Variants in FOXP1 observed in about 807,000 individuals in gnomAD.
FOXP1 encodes the protein forkhead box P1, also known as forkhead box protein P1.
A neutral mutation model predicts 98.2 loss-of-function variants in FOXP1; 15 were observed. The ratio of observed to expected loss-of-function variants is 0.15; its 90% CI spans 0.10 to 0.24. The LOEUF is 0.24. Ranked by LOEUF, FOXP1 falls within the 10% of genes least tolerant of loss-of-function variation. The pLI, the probability that FOXP1 is intolerant of heterozygous loss-of-function variation, is 1.00. For synonymous variants in FOXP1, 371 were observed against 314.5 expected (o/e 1.18, Z -1.90); for missense variants, 633 against 848.5 (o/e 0.75, Z 3.15).
chr3:71,509,751 A>G (rs530286408), intron 2 of FOXP1, among the ~76,000 whole-genome samples: 17 of 152,258 alleles, frequency 1.1e-4, no homozygotes, highest in South Asian at 1.0e-3. Context: ...GCTCAGTGAC[A>G]TGCACCTGAT....
chr3:71,345,397 T>TATACACACAC (rs1209148446), intron 4 of FOXP1, among the ~76,000 whole-genome samples: 1 of 141,748 alleles, frequency 7.1e-6, no homozygotes, highest in Non-Finnish European at 1.5e-5. Flanking sequence ...CAAATATATA[T>TATACACACAC]ACACACACAC....
Position 70,956,111 on chromosome 3 carries a change from A to C in FOXP1, c.*3136T>G, listed in dbSNP as rs1225020606. 2 of 233,104 alleles carry C rather than the reference A, an allele frequency of 8.6e-6. No homozygotes were observed. The highest frequency in any genetic ancestry group is 1.7e-5 in the Non-Finnish European group (2 of 118,036). 14.4% of individuals were successfully genotyped at this position (233,104 alleles called of 1,614,324 possible). A position where few individuals can be genotyped will look rare whatever the true frequency, so the allele number is the denominator to read the frequency against. On this transcript the variant is annotated 3_prime_UTR_variant, in exon 21 of 21. Coordinates refer to ENST00000649528, the MANE Select transcript of FOXP1 (RefSeq NM_001349338.3). ...CGTTAATATAAAGCAGTTGCACAAA[A>C]AGCAAAGGTGTTTTGACAAACAGGT...
chr3:71,238,741 G>A (rs1355052834), intron 5 of FOXP1, among the ~76,000 whole-genome samples: 5 of 152,138 alleles, frequency 3.3e-5, no homozygotes, highest in Non-Finnish European at 7.4e-5. Flanking sequence ...ATAAATAATC[G>A]GGGCTGAGGT....
chr3:71,237,438 A>C (rs1044868), intron 5 of FOXP1, among the ~76,000 whole-genome samples: 25,407 of 151,952 alleles, frequency 0.17, 2,408 homozygotes, highest in East Asian at 0.45. Flanking sequence ...CCACGCTTCC[A>C]GGGCTCAAGA....
intron 13 of FOXP1, among the ~76,000 whole-genome samples, chr3:70,998,235 A>C (rs1289700993): frequency 6.6e-6 from 1 of 152,164 alleles, no homozygotes; most frequent in Non-Finnish European, 1.5e-5. Context: ...TGACTCTCCT[A>C]CTGTAGTGCA....
At chr3:71,495,348 C>A (rs2091331634) in intron 2 of FOXP1, among the ~76,000 whole-genome samples, 1 of 152,218 alleles carries the variant, frequency 6.6e-6, no homozygotes, top group Non-Finnish European at 1.5e-5. Flanking sequence ...AGCTTTCGCC[C>A]TGATCTATTT....
At chr3:70,960,377 G>A (rs2033074687) in intron 20 of FOXP1, among the ~76,000 whole-genome samples, 1 of 152,172 alleles carries the variant, frequency 6.6e-6, no homozygotes, top group South Asian at 2.1e-4. Flanking sequence ...TGGTTGCGAT[G>A]AGGTCTGCCA....
Position 71,121,455 on chromosome 3 carries a change from TG to T in FOXP1, c.181-8819del, listed in dbSNP as rs1559972642. ...AATGACTACAAACAGTCAGGAAGTC[TG>T]CTTTAAGTCTTTGGGAAGAGCTAAA... On this transcript the variant is annotated intron_variant, in intron 6 of 20. Transcript: ENST00000649528. 4.0e-5 allele frequency among the ~76,000 whole-genome samples: 6 copies of T among 151,560 alleles called. No individual in the cohort carries two copies. The South Asian group carries it at 1.3e-3, about 32-fold the overall frequency.
At chr3:71,565,267 G>A (rs113326499) in intron 2 of FOXP1, among the ~76,000 whole-genome samples, 6,172 of 152,124 alleles carry the variant, frequency 0.041, 157 homozygotes, top group Non-Finnish European at 0.057. Context: ...ATTAACCCAC[G>A]GGCAGGCCTT....
At chr3:71,220,813 G>A (rs2065315466) in intron 5 of FOXP1, among the ~76,000 whole-genome samples, 1 of 150,698 alleles carries the variant, frequency 6.6e-6, no homozygotes, top group Non-Finnish European at 1.5e-5. Context: ...GAAAAGAAGG[G>A]TCCTCAGAAC....
In FOXP1 at chr3:71,468,717, G is replaced by C. The variant is rs192683188; in HGVS notation, c.-168+24709C>G. Among the ~76,000 whole-genome samples, 4 of 152,114 alleles carry C rather than the reference G, an allele frequency of 2.6e-5. No individual in the cohort carries two copies. In the East Asian group the frequency reaches 7.7e-4, roughly 29 times the overall value. On this transcript the variant is annotated intron_variant, in intron 3 of 20. Transcript: ENST00000649528. ...CTACCCTTTCCTTGTTTTCCCCCTG[G>C]GGCCTGGACAAGTCACTGGCCGTGA...
At chr3:71,576,353 TA>T (rs1246318094) in intron 2 of FOXP1, among the ~76,000 whole-genome samples, 1 of 152,206 alleles carries the variant, frequency 6.6e-6, no homozygotes, top group Non-Finnish European at 1.5e-5. Flanking sequence ...ACTATTTTAT[TA>T]AAAATACAAT....
At chr3:71,480,575 A>G (rs780468281) in intron 3 of FOXP1, among the ~76,000 whole-genome samples, 3 of 152,230 alleles carry the variant, frequency 2.0e-5, no homozygotes, top group Non-Finnish European at 2.9e-5. Context: ...TCAATAAAAC[A>G]TATCTCTATG....
At chr3:71,021,284 A>G (rs2045391082) in intron 11 of FOXP1, among the ~76,000 whole-genome samples, 1 of 152,328 alleles carries the variant, frequency 6.6e-6, no homozygotes, top group South Asian at 2.1e-4. Context: ...CATCAAGGGA[A>G]TCATACAGTA....
chr3:71,389,173 G>A (rs996807152), intron 3 of FOXP1, among the ~76,000 whole-genome samples: 2 of 141,462 alleles, frequency 1.4e-5, no homozygotes, highest in South Asian at 2.2e-4. Flanking sequence ...TCCTGATTCC[G>A]ATATGGTGCA....
chr3:70,956,800 C>G lies in FOXP1; in HGVS notation c.*2447G>C. On this transcript the variant is annotated 3_prime_UTR_variant, in exon 21 of 21. Coordinates refer to ENST00000649528, the MANE Select transcript of FOXP1 (RefSeq NM_001349338.3). The stretch of plus-strand genomic sequence containing the variant: ...AAGTCTTGCGTGACCACAGACTGCC[C>G]TTTATACAGAAAGCAGAGTGAAGCT... 1 of 140,644 alleles carries G rather than the reference C, an allele frequency of 7.1e-6. No individual in the cohort carries two copies. The highest frequency in any genetic ancestry group is 1.3e-5 in the Non-Finnish European group (1 of 77,010). 8.7% of individuals were successfully genotyped at this position (140,644 alleles called of 1,614,324 possible).
At chr3:71,391,815 C>G (rs1344219651) in intron 3 of FOXP1, among the ~76,000 whole-genome samples, 2 of 152,148 alleles carry the variant, frequency 1.3e-5, no homozygotes, top group Non-Finnish European at 2.9e-5. Context: ...GTGAGAACAG[C>G]TGGTGTTGAA....
chr3:71,135,722 G>A lies in FOXP1; in HGVS notation c.181-23085C>T, dbSNP rs149460945. 2.0e-3 allele frequency among the ~76,000 whole-genome samples: 303 copies of A among 152,278 alleles called. 2 individuals carry two copies. The highest frequency in any genetic ancestry group is 6.8e-3 in the African/African-American group (284 of 41,556). ...GAACCAATGTGCCAAACCAGGGCCT[G>A]CCCAGAGCCAGTGAACCAGCTTAAG... On this transcript the variant is annotated intron_variant, in intron 6 of 20. Transcript: ENST00000649528.
chr3:71,418,116 G>GGTGT (rs60973104), intron 3 of FOXP1, among the ~76,000 whole-genome samples: 1,749 of 147,464 alleles, frequency 0.012, 42 homozygotes, highest in East Asian at 0.1. Flanking sequence ...TGTGCTTGTG[G>GGTGT]GTGTGTGTGT....
Sources: gnomAD v4.1 joint callset for allele counts (sites outside exome capture counted in the v4.1 genomes callset) on GRCh38, gnomAD v4.1.1 for gene constraint, MANE v1.5 for transcripts, NCBI Gene and HGNC (gene_info 2026-07-23, HGNC 2026-07-21) for gene names.